Variants in FAR2 observed in about 807,000 individuals in gnomAD.
FAR2 encodes the protein epididymis secretory protein Li 81.
A neutral mutation model predicts 56.0 loss-of-function variants in FAR2; 19 were observed. The ratio of observed to expected loss-of-function variants is 0.34; its 90% CI spans 0.24 to 0.50. FAR2 has a LOEUF of 0.50. Ranked by LOEUF, FAR2 falls within the 20% of genes least tolerant of loss-of-function variation. The pLI is 0.98. For missense variants in FAR2, 508 were observed against 642.2 expected, an observed-to-expected ratio of 0.79 and a Z score of 2.26; for synonymous variants, 219 against 218.8, an observed-to-expected ratio of 1.00 and a Z score of -0.01.
chr12:29,325,120 C>G (rs908208054), intron 10 of FAR2, among the ~76,000 whole-genome samples: 2 of 152,046 alleles, frequency 1.3e-5, no homozygotes, highest in African/African-American at 2.4e-5. Context: ...ATAAAACAGA[C>G]TTTAAACCAA....
At chr12:29,215,357 A>G (rs573361413) in intron 1 of FAR2, among the ~76,000 whole-genome samples, 4 of 152,372 alleles carry the variant, frequency 2.6e-5, no homozygotes, top group South Asian at 4.1e-4. Flanking sequence ...TAAAAGATGT[A>G]GAAATGTTTG....
chr12:29,162,233 A>C (rs1271967607), intron 1 of FAR2, among the ~76,000 whole-genome samples: 1 of 152,204 alleles, frequency 6.6e-6, no homozygotes, highest in Non-Finnish European at 1.5e-5. Flanking sequence ...TAAAAGTTAT[A>C]CTATCCATCT....
chr12:29,173,378 A>G (rs1436871211), intron 1 of FAR2, among the ~76,000 whole-genome samples: 1 of 152,118 alleles, frequency 6.6e-6, no homozygotes, highest in Admixed American at 6.6e-5. Context: ...GGAGGCTAGG[A>G]TATGGGGATA....
chr12:29,321,078 TCAA>T (rs1949543059), intron 9 of FAR2, among the ~76,000 whole-genome samples: 1 of 150,472 alleles, frequency 6.6e-6, no homozygotes, highest in Admixed American at 6.6e-5. Flanking sequence ...GAATAGGTTA[TCAA>T]CAAGAAGTTT....
intron 1 of FAR2, among the ~76,000 whole-genome samples, chr12:29,172,443 T>C (rs1417044253): frequency 1.3e-5 from 2 of 152,228 alleles, no homozygotes; most frequent in African/African-American, 2.4e-5. Flanking sequence ...TACCCGGTGA[T>C]TGGCCTGCTC....
intron 5 of FAR2, 55 bp from the exon 6 acceptor site, chr12:29,309,131 A>G (rs552721477): frequency 1.6e-4 from 213 of 1,333,900 alleles, no homozygotes; most frequent in Middle Eastern, 3.6e-4. Flanking sequence ...CAGATGTTCC[A>G]AAGATAAAAC....
At chr12:29,198,115 C>G (rs896133473) in intron 1 of FAR2, among the ~76,000 whole-genome samples, 1 of 152,100 alleles carries the variant, frequency 6.6e-6, no homozygotes, top group African/African-American at 2.4e-5. Flanking sequence ...AAAAGAAAAG[C>G]AAAAAACATG....
intron 6 of FAR2, among the ~76,000 whole-genome samples, chr12:29,309,599 A>G (rs1178319200): frequency 2.0e-5 from 3 of 152,170 alleles, no homozygotes; most frequent in Non-Finnish European, 4.4e-5. Flanking sequence ...ATCTTCAAAG[A>G]TTATTAAATT....
chr12:29,239,950 A>C (rs1216048312), intron 1 of FAR2, among the ~76,000 whole-genome samples: 1 of 152,190 alleles, frequency 6.6e-6, no homozygotes, highest in Non-Finnish European at 1.5e-5. Context: ...TTTTCAGAGA[A>C]CCACTATCCA....
intron 1 of FAR2, among the ~76,000 whole-genome samples, chr12:29,193,593 C>T (rs765230336): frequency 6.6e-6 from 1 of 152,166 alleles, no homozygotes; most frequent in South Asian, 2.1e-4. Context: ...TTCCATTTAG[C>T]CCTGAATTAT....
chr12:29,183,309 TTTCA>T (rs1340490733), intron 1 of FAR2, among the ~76,000 whole-genome samples: 1 of 152,170 alleles, frequency 6.6e-6, no homozygotes, highest in East Asian at 1.9e-4. Flanking sequence ...CCCTTAGCAG[TTTCA>T]TTCATTCCTC....
intron 1 of FAR2, among the ~76,000 whole-genome samples, chr12:29,221,631 C>G (rs930761562): frequency 1.3e-5 from 2 of 152,094 alleles, no homozygotes; most frequent in African/African-American, 2.4e-5. Context: ...CACTTTATTT[C>G]CTGCTAAATG....
chr12:29,218,069 T>C (rs80100215), intron 1 of FAR2, among the ~76,000 whole-genome samples: 3,162 of 152,124 alleles, frequency 0.021, 102 homozygotes, highest in African/African-American at 0.071. Context: ...TAAGATGGGC[T>C]TGATTGGCCG....
At chr12:29,265,021 A>G (rs1208172390) in intron 1 of FAR2, among the ~76,000 whole-genome samples, 2 of 152,226 alleles carry the variant, frequency 1.3e-5, no homozygotes, top group African/African-American at 4.8e-5. Flanking sequence ...GAAGAAATTG[A>G]CAAGAACACA....
At chr12:29,309,795 T>C (rs1395689477) in intron 6 of FAR2, 2 of 152,716 alleles carry the variant, frequency 1.3e-5, no homozygotes, top group Non-Finnish European at 2.9e-5. Flanking sequence ...CTCCTCTAGG[T>C]AAGCAGCCCT....
intron 4 of FAR2, among the ~76,000 whole-genome samples, chr12:29,301,459 T>C (rs1949162850): frequency 6.6e-6 from 1 of 152,236 alleles, no homozygotes; most frequent in African/African-American, 2.4e-5. Context: ...TTATGTAGAA[T>C]GTTTATTTTT....
At chr12:29,266,195 G>C (rs2136700688) in intron 1 of FAR2, among the ~76,000 whole-genome samples, 1 of 152,232 alleles carries the variant, frequency 6.6e-6, no homozygotes, top group South Asian at 2.1e-4. Flanking sequence ...GTATCAAAGA[G>C]ATATCTGCAC....
intron 1 of FAR2, among the ~76,000 whole-genome samples, chr12:29,269,321 A>C (rs1267232432): frequency 6.6e-6 from 1 of 152,146 alleles, no homozygotes; most frequent in Non-Finnish European, 1.5e-5. Context: ...GAAAGAAGAG[A>C]AATATGGCTC....
At chr12:29,283,763 G>A (rs150396592) in intron 2 of FAR2, among the ~76,000 whole-genome samples, 1,690 of 152,236 alleles carry the variant, frequency 0.011, 17 homozygotes, top group Non-Finnish European at 0.017. Flanking sequence ...AAGGGTTTCC[G>A]AGCTGCTGTT....
Sources: allele counts gnomAD v4.1 joint callset (sites outside exome capture counted in the v4.1 genomes callset), GRCh38; gene constraint gnomAD v4.1.1; transcripts MANE v1.5; gene names NCBI Gene and HGNC (gene_info 2026-07-23, HGNC 2026-07-21).